The following LCOR variants were observed in gnomAD, a reference collection of about 807,000 sequenced individuals.
LCOR encodes the protein ligand-dependent corepressor.
LCOR carries 14 observed loss-of-function variants against 64.4 expected under a neutral mutation model. The observed-to-expected ratio is 0.22, with a 90% CI of 0.14 to 0.34. The LOEUF is 0.34. Ranked by LOEUF, LCOR falls within the 10% of genes least tolerant of loss-of-function variation. The pLI is 1.00. For synonymous variants in LCOR, 643 were observed against 642.5 expected (o/e 1.00, Z -0.01); for missense variants, 1,686 against 1,765.3 (o/e 0.96, Z 0.80).
chr10:96,982,333 C>G lies in LCOR; in HGVS notation c.1873C>G (p.Pro625Ala), dbSNP rs756790371. The G allele has an allele frequency of 6.2e-7, 1 of 1,614,234 alleles. No homozygotes were observed. The highest frequency in any genetic ancestry group is 8.5e-7 in the Non-Finnish European group (1 of 1,180,036). Residue 625 changes from proline to alanine, a missense_variant, in exon 8 of 8, where the codon CCT becomes GCT. By Grantham distance (27) the Pro-to-Ala change is conservative (BLOSUM62 -1). Around this residue, in one of 3 missense-constraint regions of LCOR, gnomAD observed 1,293 missense variants for 1,410.4 expected, o/e 0.92. Coordinates refer to ENST00000421806, the MANE Select transcript of LCOR (RefSeq NM_001346516.2). Reference sequence around the variant, plus strand: ...GGTGTGGCCTCTCCCTGCTCACCTTCCTGAAGAGGACCTGCCAGAAGGTGG... The same window carrying G: ...GGTGTGGCCTCTCCCTGCTCACCTTGCTGAAGAGGACCTGCCAGAAGGTGG... The part of the protein sequence containing the change: ...SLVWPLPAHL[P>A]EEDLPEGGST...
chr10:96,939,284 A>G (rs554721314), intron 4 of LCOR, among the ~76,000 whole-genome samples: 2 of 152,230 alleles, frequency 1.3e-5, no homozygotes, highest in Non-Finnish European at 2.9e-5. Flanking sequence ...AGATGCTGGA[A>G]CCAACTGAGT....
chr10:96,943,607 A>G (rs1435312211), intron 4 of LCOR, among the ~76,000 whole-genome samples: 1 of 152,218 alleles, frequency 6.6e-6, no homozygotes, highest in Admixed American at 6.5e-5. Context: ...TTGTGAATTC[A>G]GATGTATTCT....
chr10:96,870,389 C>T (rs1846053139), intron 2 of LCOR, among the ~76,000 whole-genome samples: 2 of 151,996 alleles, frequency 1.3e-5, no homozygotes, highest in Admixed American at 1.3e-4. Context: ...CCATAATAAA[C>T]AAAAAAACAC....
rs532489166 is a variant in LCOR, at chr10:96,988,607, A to G, written c.*3473A>G. 1 of 152,306 alleles carries G rather than the reference A, an allele frequency of 6.6e-6. No individual in the cohort carries two copies. The highest frequency in any genetic ancestry group is 1.9e-4 in the East Asian group (1 of 5,188). 9.4% of individuals were successfully genotyped at this position (152,306 alleles called of 1,614,324 possible). ...GGTTTGGCCTCTTTTCCTGCTTTGT[A>G]ATGGGTTCGGTCATGAGGGTGGGAG... On this transcript the variant is annotated 3_prime_UTR_variant, in exon 8 of 8. Coordinates refer to ENST00000421806, the MANE Select transcript of LCOR (RefSeq NM_001346516.2).
chr10:96,891,994 G>A (rs562903298), intron 2 of LCOR, among the ~76,000 whole-genome samples: 9 of 152,158 alleles, frequency 5.9e-5, no homozygotes, highest in South Asian at 2.1e-4. Context: ...TGAAATTTAC[G>A]GCAAGTTTTT....
chr10:96,862,537 A>G (rs1845904794), intron 2 of LCOR, among the ~76,000 whole-genome samples: 1 of 152,198 alleles, frequency 6.6e-6, no homozygotes, highest in Non-Finnish European at 1.5e-5. Context: ...AAGTGCTGGG[A>G]TTACAGGCAT....
Position 96,941,308 on chromosome 10 carries a change from C to T in LCOR, c.-183-2805C>T, listed in dbSNP as rs1408743336. ...GGGGCTGATCCCCCCACCTCCCTCCCGGACGGGGCGGCTGGCCGGGCAGAG... is the reference window on the plus strand; with the variant it reads ...GGGGCTGATCCCCCCACCTCCCTCCTGGACGGGGCGGCTGGCCGGGCAGAG... On this transcript the variant is annotated intron_variant, in intron 4 of 7. Transcript: ENST00000421806. Among the ~76,000 whole-genome samples, 41 of 137,910 alleles carry T rather than the reference C, an allele frequency of 3.0e-4. No individual in the cohort carries two copies. The East Asian group carries it at 6.5e-3, about 22-fold the overall frequency. The allele number at this position is 137,910 out of a possible 152,430, so 90.5% of individuals were successfully genotyped here. A position where few individuals can be genotyped will look rare whatever the true frequency, so the allele number is the denominator to read the frequency against.
intron 4 of LCOR, among the ~76,000 whole-genome samples, chr10:96,935,957 G>C (rs1847344025): frequency 6.6e-6 from 1 of 152,260 alleles, no homozygotes; most frequent in Non-Finnish European, 1.5e-5. Context: ...ACACCTGGAA[G>C]GTCCATCATA....
intron 2 of LCOR, among the ~76,000 whole-genome samples, chr10:96,840,622 T>C (rs1332401346): frequency 6.6e-6 from 1 of 152,218 alleles, no homozygotes; most frequent in South Asian, 2.1e-4. Flanking sequence ...TTTTAAAATT[T>C]AGATTAAAGA....
At chr10:96,903,499 T>G (rs2134448904) in intron 2 of LCOR, among the ~76,000 whole-genome samples, 1 of 152,218 alleles carries the variant, frequency 6.6e-6, no homozygotes, top group South Asian at 2.1e-4. Flanking sequence ...TTGCTCATTT[T>G]CTGATATATT....
intron 2 of LCOR, among the ~76,000 whole-genome samples, chr10:96,873,076 G>C (rs1201496660): frequency 1.3e-5 from 2 of 152,192 alleles, no homozygotes; most frequent in African/African-American, 2.4e-5. Context: ...TGAGTGGAGG[G>C]ATGGATGGTT....
intron 2 of LCOR, among the ~76,000 whole-genome samples, chr10:96,878,619 A>G (rs1299950613): frequency 1.3e-5 from 2 of 152,178 alleles, no homozygotes; most frequent in African/African-American, 2.4e-5. Flanking sequence ...CCTTCCACGT[A>G]GTAGGTACTC....
At chr10:96,843,552 G>A (rs887077276) in intron 2 of LCOR, among the ~76,000 whole-genome samples, 2 of 152,112 alleles carry the variant, frequency 1.3e-5, no homozygotes, top group African/African-American at 4.8e-5. Flanking sequence ...AAAGGATGAC[G>A]TAACTTGTTT....
chr10:96,957,331 C>T (rs1847801406), intron 7 of LCOR: 2 of 984,774 alleles, frequency 2.0e-6, no homozygotes, highest in South Asian at 9.4e-5. Flanking sequence ...ATAAGCACTC[C>T]TTGAAGAATA....
intron 4 of LCOR, among the ~76,000 whole-genome samples, chr10:96,929,846 A>G (rs1467899765): frequency 6.6e-6 from 1 of 152,178 alleles, no homozygotes; most frequent in Admixed American, 6.5e-5. Flanking sequence ...TAACTGGCCT[A>G]ATTTCTATAT....
intron 4 of LCOR, among the ~76,000 whole-genome samples, chr10:96,941,130 G>A (rs1336892910): frequency 4.4e-5 from 6 of 137,872 alleles, no homozygotes; most frequent in Non-Finnish European, 8.0e-5. Context: ...TTCCCAGTAG[G>A]GGCGGCCGGG....
intron 4 of LCOR, among the ~76,000 whole-genome samples, chr10:96,932,554 C>G (rs1045638112): frequency 6.6e-6 from 1 of 152,154 alleles, no homozygotes; most frequent in African/African-American, 2.4e-5. Flanking sequence ...ACCTCCGCCT[C>G]CCGGGTTCAA....
chr10:96,956,015 G>A, intron 7 of LCOR: 1 of 1,506,516 alleles, frequency 6.6e-7, no homozygotes, highest in South Asian at 1.4e-5. Flanking sequence ...TTCATTTACT[G>A]TGACACTTGC....
In LCOR at chr10:96,987,777, C is replaced by T. The variant is rs771835975; in HGVS notation, c.*2643C>T. The T allele has an allele frequency of 6.6e-6, 1 of 152,184 alleles. No homozygotes were observed. Among genetic ancestry groups the T allele is most frequent in the Admixed American group, 6.5e-5 (1 of 15,284 alleles). 9.4% of individuals were successfully genotyped at this position (152,184 alleles called of 1,614,324 possible). A position where few individuals can be genotyped will look rare whatever the true frequency, so the allele number is the denominator to read the frequency against. On this transcript the variant is annotated 3_prime_UTR_variant, in exon 8 of 8. Transcript: ENST00000421806. ...GCTAATCCTGCAAGGCCCTTTGATA[C>T]CTACAGCAGGTACTGGCAAAGCAGT...
Sources: gnomAD v4.1 joint callset for allele counts (sites outside exome capture counted in the v4.1 genomes callset) on GRCh38, gnomAD v4.1.1 for gene constraint, gnomAD v4.1.1 regional missense constraint, MANE v1.5 for transcripts, NCBI Gene and HGNC (gene_info 2026-07-23, HGNC 2026-07-21) for gene names.